The following FMN1 variants were observed in gnomAD, a reference collection of about 807,000 sequenced individuals.
FMN1 encodes formin 1.
Under a neutral mutation model 132.4 loss-of-function variants are expected in FMN1, and 110 were observed. The ratio of observed to expected loss-of-function variants is 0.83; its 90% confidence interval spans 0.71 to 0.97. The LOEUF (loss-of-function observed/expected upper bound fraction) is 0.97, where lower values mean the gene tolerates loss of function less well. Among genes scored for constraint, FMN1 ranks in the 50% least tolerant of loss-of-function variants. FMN1 has a pLI of 0.00. For missense variants in FMN1, 1,792 were observed against 1,705.3 expected (o/e 1.05, Z -0.90); for synonymous variants, 722 against 651.7 (o/e 1.11, Z -1.64).
intron 17 of FMN1, among the ~76,000 whole-genome samples, chr15:32,816,352 A>G (rs899497113): frequency 3.9e-5 from 6 of 152,252 alleles, no homozygotes; most frequent in South Asian, 2.1e-4. Context: ...GTCAAAAGGT[A>G]TATCACACAC....
At chr15:33,008,172 T>C in intron 6 of FMN1, 97 bp from the exon 7 acceptor site, 2 of 925,660 alleles carry the variant, frequency 2.2e-6, no homozygotes, top group Admixed American at 2.2e-5. Context: ...CTAAAATAAA[T>C]GCCACAATTT....
chr15:32,984,274 AT>A (rs1456556745), intron 7 of FMN1, among the ~76,000 whole-genome samples: 2 of 151,934 alleles, frequency 1.3e-5, no homozygotes, highest in East Asian at 1.9e-4. Context: ...TGGGTTTTTT[AT>A]TTTCTTTTAT....
chr15:33,119,880 T>C (rs1962390624), intron 4 of FMN1, among the ~76,000 whole-genome samples: 1 of 152,178 alleles, frequency 6.6e-6, no homozygotes, highest in East Asian at 1.9e-4. Context: ...CTATGAAAAA[T>C]CACTGTATAA....
At chr15:33,067,557 T>C in intron 5 of FMN1, 2 of 1,613,980 alleles carry the variant, frequency 1.2e-6, no homozygotes, top group South Asian at 1.1e-5. Flanking sequence ...CCTGCTTCTT[T>C]TCTCTGACTT....
chr15:32,777,497 G>A (rs1040300437), intron 19 of FMN1, among the ~76,000 whole-genome samples: 2 of 141,006 alleles, frequency 1.4e-5, no homozygotes, highest in African/African-American at 2.6e-5. Context: ...TATATATTAC[G>A]TATAACATAT....
chr15:32,965,635 T>C (rs538680939), intron 8 of FMN1, among the ~76,000 whole-genome samples: 35 of 152,306 alleles, frequency 2.3e-4, no homozygotes, highest in Non-Finnish European at 4.4e-4. Flanking sequence ...CAGCCCTGGC[T>C]CCTCAGGTCT....
chr15:32,844,642 G>A (rs1030746141), intron 17 of FMN1, among the ~76,000 whole-genome samples: 18 of 152,092 alleles, frequency 1.2e-4, no homozygotes, highest in African/African-American at 4.1e-4. Flanking sequence ...TATATTCATT[G>A]CTTCTGGCTT....
intron 16 of FMN1, among the ~76,000 whole-genome samples, chr15:32,866,511 CTT>C (rs1164090103): frequency 3.3e-5 from 5 of 152,282 alleles, no homozygotes; most frequent in South Asian, 2.1e-4. Flanking sequence ...CGGCTTTATT[CTT>C]TGTTTCCAAG....
intron 6 of FMN1, among the ~76,000 whole-genome samples, chr15:33,014,373 A>G (rs1193616485): frequency 6.6e-6 from 1 of 152,204 alleles, no homozygotes; most frequent in African/African-American, 2.4e-5. Context: ...TATTTGTTAA[A>G]AAGAGAACTT....
chr15:33,077,619 G>T (rs901487187), intron 5 of FMN1, among the ~76,000 whole-genome samples: 6 of 151,516 alleles, frequency 4.0e-5, no homozygotes, highest in South Asian at 2.1e-4. Flanking sequence ...GCAGTGTTTG[G>T]TTTTTTTCTC....
chr15:32,789,586 T>C (rs990172308), intron 19 of FMN1, among the ~76,000 whole-genome samples: 1 of 152,190 alleles, frequency 6.6e-6, no homozygotes, highest in Admixed American at 6.5e-5. Flanking sequence ...CATAATGTTG[T>C]GGCACAACTA....
intron 8 of FMN1, among the ~76,000 whole-genome samples, chr15:32,965,214 A>C (rs2031083438): frequency 6.6e-6 from 1 of 152,126 alleles, no homozygotes; most frequent in African/African-American, 2.4e-5. Flanking sequence ...CCTGGCCAAC[A>C]TGGTGAAACC....
At chr15:32,950,268 G>C (rs139985398) in intron 9 of FMN1, among the ~76,000 whole-genome samples, 10 of 151,260 alleles carry the variant, frequency 6.6e-5, no homozygotes, top group African/African-American at 2.4e-4. Context: ...TATTGTGAAA[G>C]ACAATGTGGC....
chr15:32,980,045 C>T (rs749855853), intron 7 of FMN1, among the ~76,000 whole-genome samples: 4 of 151,438 alleles, frequency 2.6e-5, no homozygotes, highest in Non-Finnish European at 4.4e-5. Context: ...ATAGGCAAAT[C>T]GACAGGGCAA....
intron 6 of FMN1, among the ~76,000 whole-genome samples, chr15:33,059,426 C>T (rs555908588): frequency 1.4e-4 from 21 of 152,238 alleles, no homozygotes; most frequent in Non-Finnish European, 2.1e-4. Flanking sequence ...TGTGATTACT[C>T]GGTCATTTTG....
chr15:32,858,790 T>C (rs1170848481), intron 16 of FMN1, among the ~76,000 whole-genome samples: 1 of 152,220 alleles, frequency 6.6e-6, no homozygotes, highest in Non-Finnish European at 1.5e-5. Context: ...TTTTTTTCCT[T>C]TCTTTGTAAG....
At position 32,767,457 on chromosome 15, in the gene FMN1, C is replaced by G. The variant is rs2056086294; in HGVS notation, c.*6853G>C. On this transcript the variant is annotated 3_prime_UTR_variant, in exon 21 of 21. Coordinates refer to ENST00000616417, the MANE Select transcript of FMN1 (RefSeq NM_001277313.2). ...GCAGGCCAGTGCTTATTTTCCAGGC[C>G]AAAGCACGATCCCCTAAATCAAAGT... The G allele has an allele frequency of 6.6e-6, 1 of 152,118 alleles. No individual in the cohort carries two copies. The highest frequency in any genetic ancestry group is 1.5e-5 in the Non-Finnish European group (1 of 68,038). 9.4% of individuals were successfully genotyped at this position (152,118 alleles called of 1,614,324 possible).
At chr15:33,146,915 C>T (rs1165002110) in intron 4 of FMN1, among the ~76,000 whole-genome samples, 3 of 152,158 alleles carry the variant, frequency 2.0e-5, no homozygotes, top group Non-Finnish European at 2.9e-5. Flanking sequence ...TGGCTCACCC[C>T]TGTAATCCCA....
At chr15:33,030,793 AC>A (rs2035900145) in intron 6 of FMN1, among the ~76,000 whole-genome samples, 1 of 152,138 alleles carries the variant, frequency 6.6e-6, no homozygotes, top group African/African-American at 2.4e-5. Context: ...AAATATATAA[AC>A]TCAAATAATC....
Sources: gnomAD v4.1 joint callset for allele counts (sites outside exome capture counted in the v4.1 genomes callset) on GRCh38, gnomAD v4.1.1 for gene constraint, MANE v1.5 for transcripts, NCBI Gene and HGNC (gene_info 2026-07-23, HGNC 2026-07-21) for gene names.